The following ATP13A4 variants were observed in gnomAD, a reference collection of about 807,000 sequenced individuals.
The protein encoded by ATP13A4 is probable cation-transporting ATPase 13A4.
A neutral mutation model predicts 142.5 loss-of-function variants in ATP13A4; 114 were observed. The ratio of observed to expected loss-of-function variants is 0.80; its 90% CI spans 0.69 to 0.93. The LOEUF (loss-of-function observed/expected upper bound fraction) is 0.93, where lower values mean the gene tolerates loss of function less well. Ranked by LOEUF, ATP13A4 falls within the 40% of genes least tolerant of loss-of-function variation. ATP13A4 has a pLI of 0.00. For missense variants in ATP13A4, 1,392 were observed against 1,454.0 expected, an observed-to-expected ratio of 0.96 and a Z score of 0.69; for synonymous variants, 488 against 514.8, an observed-to-expected ratio of 0.95 and a Z score of 0.70.
intron 2 of ATP13A4, among the ~76,000 whole-genome samples, chr3:193,571,775 T>C (rs953534577): frequency 8.6e-5 from 13 of 151,968 alleles, no homozygotes; most frequent in Admixed American, 7.2e-4. Context: ...TAGGTGAGCC[T>C]AAGGAGACAT....
At chr3:193,565,423 G>A (rs909394803) in intron 2 of ATP13A4, among the ~76,000 whole-genome samples, 1 of 152,106 alleles carries the variant, frequency 6.6e-6, no homozygotes, top group African/African-American at 2.4e-5. Flanking sequence ...TTTAATATAA[G>A]GCTACTGGGC....
chr3:193,465,063 T>C lies in ATP13A4; in HGVS notation c.1338A>G (p.Leu446=), dbSNP rs528890281. ...TAATGCCTGTGGTCAGAGCAGCAGGTAGAGCCGGAGGAACCGCAATTGTGA... is the reference window on the plus strand; with the variant it reads ...TAATGCCTGTGGTCAGAGCAGCAGGCAGAGCCGGAGGAACCGCAATTGTGA... ...DVITIAVPPA[L]PAALTTGIIY... is the part of the protein sequence containing the mutation. Residue 446 remains leucine, a synonymous_variant, in exon 12 of 30, where the codon CTA becomes CTG. Transcript: ENST00000342695. 7 of 1,614,134 alleles carry C rather than the reference T, an allele frequency of 4.3e-6. No individual in the cohort carries two copies. Among genetic ancestry groups the C allele is most frequent in the East Asian group, 2.2e-5 (1 of 44,888 alleles).
At chr3:193,512,804 G>A (rs1009814062) in intron 2 of ATP13A4, among the ~76,000 whole-genome samples, 1 of 152,124 alleles carries the variant, frequency 6.6e-6, no homozygotes. Flanking sequence ...TCACTCACAC[G>A]TGAGCTAGGG....
upstream of ATP13A4, among the ~76,000 whole-genome samples, chr3:193,557,871 GA>G (rs1723936407): frequency 7.2e-5 from 11 of 152,242 alleles, 1 homozygote; most frequent in Admixed American, 6.5e-4. Flanking sequence ...AAGGCCGCAG[GA>G]AAGAGCATTT....
At chr3:193,570,042 G>A (rs1724225491) in intron 2 of ATP13A4, among the ~76,000 whole-genome samples, 2 of 152,174 alleles carry the variant, frequency 1.3e-5, no homozygotes, top group South Asian at 2.1e-4. Context: ...GCTCATGCCT[G>A]TAATCCCAGC....
intron 1 of ATP13A4, among the ~76,000 whole-genome samples, chr3:193,521,535 G>C (rs192972547): frequency 6.6e-6 from 1 of 152,294 alleles, no homozygotes; most frequent in East Asian, 1.9e-4. Flanking sequence ...TAACCTAATC[G>C]TGTATGGTTA....
chr3:193,522,049 GA>G (rs1042943777), intron 1 of ATP13A4, among the ~76,000 whole-genome samples: 19 of 152,204 alleles, frequency 1.2e-4, no homozygotes, highest in African/African-American at 4.3e-4. Flanking sequence ...CATTCCCAGA[GA>G]AAGTTAGTGA....
At chr3:193,558,363 G>A (rs1723948344), upstream of ATP13A4, among the ~76,000 whole-genome samples, 1 of 152,192 alleles carries the variant, frequency 6.6e-6, no homozygotes, top group African/African-American at 2.4e-5. Flanking sequence ...AAGAATGGCA[G>A]ATGAGGATTT....
chr3:193,575,041 G>A (rs982891847), intron 2 of ATP13A4, among the ~76,000 whole-genome samples: 1 of 152,180 alleles, frequency 6.6e-6, no homozygotes, highest in African/African-American at 2.4e-5. Context: ...ACTTTCTCTA[G>A]GAGTCCACTT....
intron 2 of ATP13A4, chr3:193,579,276 C>T (rs1724478848): frequency 5.6e-6 from 1 of 179,852 alleles, no homozygotes; most frequent in Admixed American, 6.3e-5. Flanking sequence ...CCCATCTCAG[C>T]AGCCTCCTTC....
At chr3:193,590,963 T>C (rs1724753855) in intron 1 of ATP13A4, among the ~76,000 whole-genome samples, 1 of 152,220 alleles carries the variant, frequency 6.6e-6, no homozygotes, top group Admixed American at 6.5e-5. Flanking sequence ...TTTTTGTATA[T>C]AAGAATTGAA....
chr3:193,575,910 C>A (rs12696669), intron 2 of ATP13A4, among the ~76,000 whole-genome samples: 79,554 of 151,932 alleles, frequency 0.52, 21,539 homozygotes, highest in African/African-American at 0.65. Context: ...GTGATTTTGT[C>A]CCCCAAGGAA....
Position 193,491,395 on chromosome 3 carries a change from C to G in ATP13A4, c.537G>C (p.Arg179Ser). The change falls in exon 6 of 30, where the codon AGG becomes AGC. Residue 179 changes from arginine to serine, a missense_variant. Arg to Ser is a moderately radical substitution (Grantham distance 110, BLOSUM62 -1). Coordinates refer to ENST00000342695, the MANE Select transcript of ATP13A4 (RefSeq NM_032279.4). Reference protein sequence around the residue: ...GLTREEQEIRRLICGPNTIDV... With the variant: ...GLTREEQEIRSLICGPNTIDV... The stretch of plus-strand genomic sequence containing the variant: ...CGATAGTATTAGGCCCACATATTAA[C>G]CTCCTATAGAAAGAAATCACAGATC... The G allele has an allele frequency of 1.3e-6, 2 of 1,577,624 alleles. No individual in the cohort carries two copies. The highest frequency in any genetic ancestry group is 1.7e-6 in the Non-Finnish European group (2 of 1,147,608).
intron 1 of ATP13A4, among the ~76,000 whole-genome samples, chr3:193,546,707 C>T (rs185802295): frequency 1.0e-3 from 157 of 152,300 alleles, no homozygotes; most frequent in African/African-American, 3.8e-3. Context: ...TAAAGTAGCA[C>T]TTCCAAAATT....
At chr3:193,516,549 C>T (rs147615553) in intron 1 of ATP13A4, among the ~76,000 whole-genome samples, 9 of 152,180 alleles carry the variant, frequency 5.9e-5, no homozygotes, top group African/African-American at 2.2e-4. Context: ...AGAGCAGTGC[C>T]CTAGTCTTAA....
At chr3:193,417,881 G>T (rs1715159119) in intron 25 of ATP13A4, among the ~76,000 whole-genome samples, 1 of 148,056 alleles carries the variant, frequency 6.8e-6, no homozygotes, top group African/African-American at 2.5e-5. Flanking sequence ...CCAGCACTTT[G>T]GGAGGCCAAG....
At chr3:193,480,415 C>T (rs1395153473) in intron 8 of ATP13A4, among the ~76,000 whole-genome samples, 1 of 151,544 alleles carries the variant, frequency 6.6e-6, no homozygotes, top group Non-Finnish European at 1.5e-5. Context: ...TACGAGGAAC[C>T]CAAACAAATC....
rs761762658 is a variant in ATP13A4, at chr3:193,492,940, C to T, written c.510G>A (p.Leu170=). Residue 170 remains leucine, a synonymous_variant, in exon 5 of 30, where the codon TTG becomes TTA. Transcript: ENST00000342695. The part of the protein sequence containing the change: ...AKIHQKFGSG[L]TREEQEIRRL... ...ACCTAATCTCCTGTTCTTCTCTTGT[C>T]AAGCCTGATCCAAATTTTTGATGTA... 6.2e-7 allele frequency: 1 copy of T among 1,610,282 alleles called. No homozygotes were observed. Among genetic ancestry groups the T allele is most frequent in the Non-Finnish European group, 8.5e-7 (1 of 1,177,306 alleles).
intron 1 of ATP13A4, among the ~76,000 whole-genome samples, chr3:193,520,723 A>T (rs997884523): frequency 6.6e-6 from 1 of 152,228 alleles, no homozygotes; most frequent in Non-Finnish European, 1.5e-5. Context: ...ATAAAAAATA[A>T]TAATCTCCAA....
Sources: gnomAD v4.1 joint callset for allele counts (sites outside exome capture counted in the v4.1 genomes callset) on GRCh38, gnomAD v4.1.1 for gene constraint, MANE v1.5 for transcripts, NCBI Gene and HGNC (gene_info 2026-07-23, HGNC 2026-07-21) for gene names.